Variants in KHDC4 observed in about 807,000 individuals in gnomAD.
KHDC4 encodes the protein KH domain containing 4, pre-mRNA splicing factor.
In KHDC4, 19 loss-of-function variants were observed where a neutral mutation model predicts 74.5. The ratio of observed to expected loss-of-function variants is 0.26; its 90% CI spans 0.18 to 0.37. The LOEUF is 0.37. Among genes scored for constraint, KHDC4 ranks in the 10% least tolerant of loss-of-function variants. The pLI, the probability that KHDC4 is intolerant of heterozygous loss-of-function variation, is 1.00. For missense variants in KHDC4, 632 were observed against 754.1 expected (o/e 0.84, Z 1.90); for synonymous variants, 253 against 266.1 (o/e 0.95, Z 0.48).
At chr1:155,926,872 A>C (rs762369903) in intron 5 of KHDC4, 33 bp from the exon 6 acceptor site, 7 of 1,611,440 alleles carry the variant, frequency 4.3e-6, no homozygotes, top group Non-Finnish European at 5.9e-6. Context: ...AACTGAATGG[A>C]ATGAACTGAC....
rs138199183 is a variant in KHDC4 at position 155,916,701 on chromosome 1, A to T, written c.1477T>A (p.Phe493Ile). ...PIHMTNLGTG[F>I]SSQNEIEGAG... ...CCTTCAATCTCATTCTGACTGGAGA[A>T]GCCTGTACCTAAATTAGTCATATGA... Residue 493 changes from phenylalanine to isoleucine, a missense_variant, in exon 12 of 14, where the codon TTC becomes ATC. This residue lies in a region of KHDC4 where 254 missense variants were observed against 267.4 expected (regional missense o/e 0.95). Transcript: ENST00000368321. 1.9e-6 allele frequency: 3 copies of T among 1,613,916 alleles called. No homozygotes were observed. The highest frequency in any genetic ancestry group is 2.7e-5 in the African/African-American group (2 of 74,924).
intron 2 of KHDC4, among the ~76,000 whole-genome samples, chr1:155,930,259 G>A (rs1049643761): frequency 6.6e-6 from 1 of 152,136 alleles, no homozygotes; most frequent in African/African-American, 2.4e-5. Flanking sequence ...CCTTTCCCAA[G>A]TCCCACACCT....
chr1:155,916,023 A>C, intron 12 of KHDC4, 59 bp from the exon 13 acceptor site: 1 of 1,088,602 alleles, frequency 9.2e-7, no homozygotes, highest in Middle Eastern at 2.0e-4. Flanking sequence ...TAACTTATCC[A>C]GTGGATTAGA....
chr1:155,921,088 A>C (rs1673852887), intron 10 of KHDC4, among the ~76,000 whole-genome samples: 1 of 152,164 alleles, frequency 6.6e-6, no homozygotes, highest in African/African-American at 2.4e-5. Flanking sequence ...ATGGCCCTTA[A>C]AGCCTAAAAT....
chr1:155,926,382 T>A (rs1285144879), intron 6 of KHDC4: 2 of 362,544 alleles, frequency 5.5e-6, no homozygotes, highest in Non-Finnish European at 1.0e-5. Context: ...CAGGCTGGAG[T>A]GCAGTGGCAT....
At chr1:155,932,978 T>C (rs746332983) in intron 2 of KHDC4, among the ~76,000 whole-genome samples, 1 of 152,110 alleles carries the variant, frequency 6.6e-6, no homozygotes, top group Non-Finnish European at 1.5e-5. Context: ...AGGTTCTAAT[T>C]AGAGATGACA....
chr1:155,913,704 A>C lies in KHDC4; in HGVS notation c.*417T>G, dbSNP rs1673675112. On this transcript the variant is annotated 3_prime_UTR_variant, in exon 14 of 14. Coordinates refer to ENST00000368321, the MANE Select transcript of KHDC4 (RefSeq NM_014949.4). The stretch of plus-strand genomic sequence containing the variant: ...ATCATTTCCCCACTAATAAATAGTA[A>C]GGCTCTGTTTGTAACCAGTTATATA... 6.2e-6 allele frequency: 1 copy of C among 161,840 alleles called. No homozygotes were observed. Among genetic ancestry groups the C allele is most frequent in the Non-Finnish European group, 1.4e-5 (1 of 73,636 alleles). 10.0% of individuals were successfully genotyped at this position (161,840 alleles called of 1,614,324 possible). A position where few individuals can be genotyped will look rare whatever the true frequency, so the allele number is the denominator to read the frequency against.
intron 4 of KHDC4, among the ~76,000 whole-genome samples, chr1:155,928,593 C>CAAA (rs10555758): frequency 2.4e-3 from 217 of 89,254 alleles, no homozygotes; most frequent in Non-Finnish European, 3.3e-3. Flanking sequence ...ATCATAAAGA[C>CAAA]AAAAAAAAAA....
intron 4 of KHDC4, among the ~76,000 whole-genome samples, chr1:155,927,359 TC>T (rs1674025958): frequency 6.6e-5 from 10 of 152,308 alleles, no homozygotes; most frequent in African/African-American, 2.4e-4. Context: ...ATTTTAAAAG[TC>T]AACTGGCCCA....
chr1:155,918,527 A>G (rs1673782214), intron 10 of KHDC4, among the ~76,000 whole-genome samples: 1 of 152,222 alleles, frequency 6.6e-6, no homozygotes, highest in Admixed American at 6.5e-5. Context: ...TCATTTAACA[A>G]ATGTGTACTT....
At position 155,926,700 on chromosome 1, in the gene KHDC4, G is replaced by A; in HGVS notation, c.657C>T (p.Ser219=). 1 of 1,614,172 alleles carries A rather than the reference G, an allele frequency of 6.2e-7. No homozygotes were observed. Among genetic ancestry groups the A allele is most frequent in the East Asian group, 2.2e-5 (1 of 44,886 alleles). Residue 219 remains serine (S), a synonymous_variant, in exon 6 of 14, where the codon AGC becomes AGT. Transcript: ENST00000368321. ...CCCCTGACTGGAAGGGAGGCTTCTG[G>A]CTAACAGCTGGAGACAACTGAGCGA... ...APIAQLSPAV[S]QKPPFQSGMH...
chr1:155,917,613 G>T lies in KHDC4; in HGVS notation c.1326C>A (p.Gly442=). The change falls in exon 11 of 14, where the codon GGC becomes GGA. Residue 442 remains glycine (G), a synonymous_variant. Coordinates refer to ENST00000368321, the MANE Select transcript of KHDC4 (RefSeq NM_014949.4). ...AAPVKTALPA[G]PQPQPQPQPP... is the part of the protein sequence containing the mutation. The stretch of plus-strand genomic sequence containing the variant: ...GCTGGGGCTGGGGCTGGGGCTGGGG[G>T]CCAGCAGGCAAGGCAGTTTTGACAG... 1 of 1,599,622 alleles carries T rather than the reference G, an allele frequency of 6.3e-7. No individual in the cohort carries two copies.
At position 155,929,326 on chromosome 1, in the gene KHDC4, G is replaced by A. The variant is rs1274669683; in HGVS notation, c.434C>T (p.Thr145Ile). ...TCCCACTTTGGCTTTTTCCTCAGTT[G>A]TCATGAACCTCCCTCGAGTTGATAC... ...AAVSTRGRFM[T>I]TEEKAKVGPG... is the part of the protein sequence containing the mutation. Residue 145 changes from threonine to isoleucine, a missense_variant, in exon 4 of 14, where the codon ACA becomes ATA. Thr to Ile is a moderately conservative substitution (Grantham distance 89, BLOSUM62 -1). Transcript: ENST00000368321. 6.2e-7 allele frequency: 1 copy of A among 1,613,868 alleles called. No homozygotes were observed. Among genetic ancestry groups the A allele is most frequent in the Non-Finnish European group, 8.5e-7 (1 of 1,179,910 alleles).
Position 155,921,916 on chromosome 1 carries a change from A to G in KHDC4, c.957T>C (p.Val319=). The part of the protein sequence containing the change: ...KKLCENLLQT[V]HAEYSRFVNQ... Reference sequence around the variant, plus strand: ...TCACAAATCTAGAGTATTCAGCATGAACCTGAAAGAGAGGGGGAAACAAAT... The same window carrying G: ...TCACAAATCTAGAGTATTCAGCATGGACCTGAAAGAGAGGGGGAAACAAAT... The change falls in exon 9 of 14, where the codon GTT becomes GTC. Residue 319 remains valine (V), a splice_region_variant and synonymous_variant. Transcript: ENST00000368321. The G allele has an allele frequency of 6.2e-7, 1 of 1,604,774 alleles. No homozygotes were observed. Among genetic ancestry groups the G allele is most frequent in the African/African-American group, 1.3e-5 (1 of 74,748 alleles).
At position 155,914,283 on chromosome 1, in the gene KHDC4, T is replaced by C. The variant is rs1185626998; in HGVS notation, c.1683A>G (p.Gly561=). 6.2e-7 allele frequency: 1 copy of C among 1,613,046 alleles called. No homozygotes were observed. Among genetic ancestry groups the C allele is most frequent in the Admixed American group, 1.7e-5 (1 of 59,882 alleles). The change falls in exon 14 of 14, where the codon GGA becomes GGG. Residue 561 remains glycine (G), a synonymous_variant. Transcript: ENST00000368321. The part of the protein sequence containing the change: ...PAKKMKTTEK[G]FGLVAYAADS... ...CTGCAGCATAAGCCACCAAGCCAAA[T>C]CCCTTCTCTGTAGTTTTCATCTTCT...
chr1:155,925,649 A>C lies in KHDC4; in HGVS notation c.876T>G (p.Pro292=). ...EPASGREAFE[P]MYIYISHPKP... is the part of the protein sequence containing the mutation. ...ATCCATACCTGATGTAAATATACAT[A>C]GGTTCAAAAGCTTCTCGGCCAGATG... The change falls in exon 7 of 14, where the codon CCT becomes CCG. Residue 292 remains proline, a synonymous_variant. Transcript: ENST00000368321. 6.2e-7 allele frequency: 1 copy of C among 1,614,120 alleles called. No individual in the cohort carries two copies. The highest frequency in any genetic ancestry group is 1.1e-5 in the South Asian group (1 of 91,090).
intron 2 of KHDC4, among the ~76,000 whole-genome samples, chr1:155,930,645 C>A (rs1328276593): frequency 6.6e-6 from 1 of 152,138 alleles, no homozygotes; most frequent in South Asian, 2.1e-4. Context: ...CTCCTATAAT[C>A]CTAACATAAA....
intron 13 of KHDC4, 175 bp from the exon 14 acceptor site, chr1:155,914,495 C>G: frequency 1.7e-6 from 1 of 586,756 alleles, no homozygotes; most frequent in East Asian, 2.8e-5. Context: ...AAAAACAGCA[C>G]CAGCATCAGC....
chr1:155,926,880 G>T, intron 5 of KHDC4, 41 bp from the exon 6 acceptor site: 2 of 1,603,906 alleles, frequency 1.2e-6, no homozygotes, highest in South Asian at 2.2e-5. Flanking sequence ...GGAATGAACT[G>T]ACTAGTGCCC....
Sources: allele counts gnomAD v4.1 joint callset (sites outside exome capture counted in the v4.1 genomes callset), GRCh38; gene constraint gnomAD v4.1.1; regional missense constraint gnomAD v4.1.1; transcripts MANE v1.5; gene names NCBI Gene and HGNC (gene_info 2026-07-23, HGNC 2026-07-21).